Variants in PM20D2 observed in about 807,000 individuals in gnomAD.
The protein encoded by PM20D2 is xaa-Arg dipeptidase.
In PM20D2, 33 loss-of-function variants were observed where a neutral mutation model predicts 42.9. The ratio of observed to expected loss-of-function variants is 0.77; its 90% confidence interval spans 0.58 to 1.03. The LOEUF is 1.03. PM20D2 is among the 50% of genes least tolerant of loss of function. PM20D2 has a pLI of 0.00. For missense variants in PM20D2, 548 were observed against 557.0 expected, an observed-to-expected ratio of 0.98 and a Z score of 0.16; for synonymous variants, 250 against 228.2, an observed-to-expected ratio of 1.10 and a Z score of -0.86.
chr6:89,150,429 G>C (rs535387834), intron 2 of PM20D2, among the ~76,000 whole-genome samples: 1 of 152,106 alleles, frequency 6.6e-6, no homozygotes, highest in African/African-American at 2.4e-5. Flanking sequence ...TTACCCTTCT[G>C]GGACTTAAGG....
chr6:89,145,316 A>G (rs1158694624), upstream of PM20D2, among the ~76,000 whole-genome samples: 2 of 152,254 alleles, frequency 1.3e-5, no homozygotes, highest in Non-Finnish European at 2.9e-5. Context: ...GGAGTTCAGC[A>G]TCAATTAAAA....
At chr6:89,101,286 A>C in the PM20D2 span, among the ~76,000 whole-genome samples, 1 of 152,248 alleles carries the variant, frequency 6.6e-6, no homozygotes, top group East Asian at 1.9e-4. Context: ...CAATATTTGA[A>C]GAGATAATAG....
At chr6:89,122,901 A>G in the PM20D2 span, among the ~76,000 whole-genome samples, 1 of 152,212 alleles carries the variant, frequency 6.6e-6, no homozygotes, top group Non-Finnish European at 1.5e-5. Flanking sequence ...ACATTTTTCT[A>G]TTACCTATGT....
chr6:89,110,214 G>T, the PM20D2 span, among the ~76,000 whole-genome samples: 8 of 152,236 alleles, frequency 5.3e-5, no homozygotes, highest in Admixed American at 3.3e-4. Flanking sequence ...CAGGTTCTTG[G>T]CATTTTTAAC....
upstream of PM20D2, among the ~76,000 whole-genome samples, chr6:89,143,199 A>G (rs1189248524): frequency 6.6e-6 from 1 of 152,228 alleles, no homozygotes; most frequent in Non-Finnish European, 1.5e-5. Context: ...AATATAAACC[A>G]TACAAAAGCC....
chr6:89,105,206 C>A, the PM20D2 span: 3 of 1,612,364 alleles, frequency 1.9e-6, no homozygotes, highest in Non-Finnish European at 2.5e-6. Context: ...TCTTGATCTC[C>A]TGTGATCACT....
the PM20D2 span, among the ~76,000 whole-genome samples, chr6:89,122,554 T>G: frequency 1.3e-5 from 2 of 152,186 alleles, no homozygotes; most frequent in East Asian, 3.9e-4. Flanking sequence ...AAAGACTGAT[T>G]AATATTTTAA....
At chr6:89,121,355 ATCG>A in the PM20D2 span, among the ~76,000 whole-genome samples, 6 of 152,246 alleles carry the variant, frequency 3.9e-5, no homozygotes, top group East Asian at 5.8e-4. Context: ...AGGAGAGAAC[ATCG>A]TCGGGCACGG....
the PM20D2 span, among the ~76,000 whole-genome samples, chr6:89,139,193 C>CATT: frequency 1.3e-5 from 2 of 152,052 alleles, no homozygotes; most frequent in Admixed American, 6.6e-5. Context: ...TTGATCCTCC[C>CATT]TAATAGATAG....
At chr6:89,123,960 C>T in the PM20D2 span, among the ~76,000 whole-genome samples, 1 of 151,822 alleles carries the variant, frequency 6.6e-6, no homozygotes, top group African/African-American at 2.4e-5. Context: ...TCACTTGAGT[C>T]CAGGAGGTTG....
the PM20D2 span, among the ~76,000 whole-genome samples, chr6:89,106,439 A>G: frequency 6.6e-6 from 1 of 152,194 alleles, no homozygotes; most frequent in African/African-American, 2.4e-5. Flanking sequence ...ACTACTTGGG[A>G]TATAAATATA....
chr6:89,124,606 T>C, the PM20D2 span, among the ~76,000 whole-genome samples: 1 of 151,954 alleles, frequency 6.6e-6, no homozygotes, highest in African/African-American at 2.4e-5. Flanking sequence ...CAAAGTGAAC[T>C]CGATGAGCAA....
intron 4 of PM20D2, among the ~76,000 whole-genome samples, chr6:89,155,942 T>A: frequency 6.6e-6 from 1 of 151,200 alleles, no homozygotes; most frequent in African/African-American, 2.4e-5. Flanking sequence ...TGGAGTGCAA[T>A]GGCGCAATCT....
chr6:89,124,695 G>A, the PM20D2 span, among the ~76,000 whole-genome samples: 2 of 149,728 alleles, frequency 1.3e-5, no homozygotes, highest in Non-Finnish European at 3.0e-5. Flanking sequence ...AGATTGGAAT[G>A]GAGATTTAGA....
At chr6:89,126,609 G>A in the PM20D2 span, among the ~76,000 whole-genome samples, 1 of 146,680 alleles carries the variant, frequency 6.8e-6, no homozygotes. Flanking sequence ...CTTGGAGGTT[G>A]CAGTGAGCTG....
the PM20D2 span, among the ~76,000 whole-genome samples, chr6:89,120,524 G>A: frequency 6.6e-6 from 1 of 152,088 alleles, no homozygotes; most frequent in Non-Finnish European, 1.5e-5. Context: ...ACTGTTAAGT[G>A]GAGAAAAATC....
At chr6:89,149,088 T>C (rs1226759117) in intron 1 of PM20D2, among the ~76,000 whole-genome samples, 177 bp from the exon 2 acceptor site, 1 of 152,230 alleles carries the variant, frequency 6.6e-6, no homozygotes, top group East Asian at 1.9e-4. Flanking sequence ...AATGTACATT[T>C]TGTGATTAAT....
the PM20D2 span, chr6:89,118,005 G>A: frequency 2.7e-6 from 3 of 1,099,360 alleles, no homozygotes; most frequent in Non-Finnish European, 3.8e-6. Flanking sequence ...CCCACCCCTC[G>A]GCCTCAGCCC....
At position 89,165,498 on chromosome 6, in the gene PM20D2, A is replaced by AT. The variant is rs1771387772; in HGVS notation, c.*3235_*3236insT. 1 of 152,216 alleles carries AT rather than the reference A, an allele frequency of 6.6e-6. No homozygotes were observed. Among genetic ancestry groups the AT allele is most frequent in the Non-Finnish European group, 1.5e-5 (1 of 68,038 alleles). The allele number at this position is 152,216 out of a possible 1,614,324, so 9.4% of individuals were successfully genotyped here. ...ATCAGTCTACTACCATCAGATTATAAGCTTTTTTGTAATAATAGGTACATA... is the reference window on the plus strand; with the variant it reads ...ATCAGTCTACTACCATCAGATTATAATGCTTTTTTGTAATAATAGGTACATA... On this transcript the variant is annotated 3_prime_UTR_variant, in exon 7 of 7. Coordinates refer to ENST00000275072, the MANE Select transcript of PM20D2 (RefSeq NM_001010853.3).
Sources: gnomAD v4.1 joint callset for allele counts (sites outside exome capture counted in the v4.1 genomes callset) on GRCh38, gnomAD v4.1.1 for gene constraint, MANE v1.5 for transcripts, NCBI Gene and HGNC (gene_info 2026-07-23, HGNC 2026-07-21) for gene names.